The following PLPPR1 variants were observed in gnomAD, a reference collection of about 807,000 sequenced individuals.
The protein encoded by PLPPR1 is phospholipid phosphatase-related protein type 1.
In PLPPR1, 10 loss-of-function variants were observed where a neutral mutation model predicts 33.1. That is an observed-to-expected ratio of 0.30 (90% CI 0.19 to 0.51). PLPPR1 has a LOEUF of 0.51. Among genes scored for constraint, PLPPR1 ranks in the 20% least tolerant of loss-of-function variants. The probability of loss-of-function intolerance (pLI) is 0.97; values close to 1 mark genes in which losing one functional copy is unlikely to be tolerated. For missense variants in PLPPR1, 304 were observed against 408.1 expected (o/e 0.74, Z 2.20); for synonymous variants, 151 against 151.0 (o/e 1.00, Z 0.00).
intron 1 of PLPPR1, among the ~76,000 whole-genome samples, chr9:101,157,887 C>G (rs1436687153): frequency 6.6e-6 from 1 of 152,060 alleles, no homozygotes; most frequent in Non-Finnish European, 1.5e-5. Flanking sequence ...GCCTGTAGTC[C>G]CAGCTACTGG....
intron 1 of PLPPR1, among the ~76,000 whole-genome samples, chr9:101,058,792 C>G (rs951845137): frequency 6.6e-6 from 1 of 151,992 alleles, no homozygotes; most frequent in Non-Finnish European, 1.5e-5. Flanking sequence ...AATTAAGTTC[C>G]AAAGCATTAT....
At chr9:101,149,471 C>G (rs922329581) in intron 1 of PLPPR1, among the ~76,000 whole-genome samples, 5 of 152,190 alleles carry the variant, frequency 3.3e-5, no homozygotes, top group African/African-American at 1.2e-4. Context: ...GATATTCCAT[C>G]TGGGACCTGT....
chr9:101,120,425 T>C (rs1302869063), intron 1 of PLPPR1, among the ~76,000 whole-genome samples: 1 of 152,232 alleles, frequency 6.6e-6, no homozygotes, highest in Admixed American at 6.5e-5. Context: ...CCTTGTATCA[T>C]CTATATTTAT....
Position 101,275,477 on chromosome 9 carries a change from C to G in PLPPR1, c.252+5409C>G, listed in dbSNP as rs1828174247. On this transcript the variant is annotated intron_variant, in intron 3 of 7. Coordinates refer to ENST00000374874, the MANE Select transcript of PLPPR1 (RefSeq NM_207299.2). ...GGCCAAGGCCACTGCTGTCCCAGAT[C>G]TTCAGGAAAGGTTAGAGCATGGGGG... 2.6e-5 allele frequency among the ~76,000 whole-genome samples: 4 copies of G among 152,206 alleles called. No homozygotes were observed. In the South Asian group the frequency reaches 8.3e-4, roughly 32 times the overall value.
rs565299811 is a variant in PLPPR1, at chr9:101,217,299, TAGAAAA to T, written c.63+31747_63+31752del. ...ATGTCATAATTAAAAAGGGAAATCA[TAGAAAA>T]AGAAGACATTTGAACCTATTATAAC... On this transcript the variant is annotated intron_variant, in intron 2 of 7. Transcript: ENST00000374874. Among the ~76,000 whole-genome samples the T allele has an allele frequency of 1.9e-4, 29 of 152,244 alleles. 1 individual carries two copies. In the East Asian group the frequency reaches 4.6e-3, roughly 24 times the overall value.
intron 2 of PLPPR1, among the ~76,000 whole-genome samples, chr9:101,191,806 A>G (rs1465409655): frequency 1.3e-5 from 2 of 152,226 alleles, no homozygotes; most frequent in Non-Finnish European, 2.9e-5. Context: ...TTGTGCTAAT[A>G]GCAACTCTAA....
intron 4 of PLPPR1, among the ~76,000 whole-genome samples, chr9:101,295,790 C>T (rs1443995457): frequency 8.0e-5 from 12 of 149,530 alleles, no homozygotes; most frequent in African/African-American, 1.5e-4. Flanking sequence ...ACACCTTATA[C>T]GAAAATTAAT....
chr9:101,241,578 T>C (rs1259646154), intron 2 of PLPPR1, among the ~76,000 whole-genome samples: 1 of 151,806 alleles, frequency 6.6e-6, no homozygotes, highest in African/African-American at 2.4e-5. Context: ...GGTTAGCCAT[T>C]GACTGGGGAC....
rs542028814 is a variant in PLPPR1 at position 101,239,558 on chromosome 9, C to T, written c.64-30322C>T. Among the ~76,000 whole-genome samples the T allele has an allele frequency of 3.9e-5, 6 of 151,998 alleles. 1 individual carries two copies. In the South Asian group the frequency reaches 1.0e-3, roughly 26 times the overall value. Reference sequence around the variant, plus strand: ...GATTCCTAAAAAACAGTAACAGTTCCTTTTTCATTGCATCCTTGATAGCAG... The same window carrying T: ...GATTCCTAAAAAACAGTAACAGTTCTTTTTTCATTGCATCCTTGATAGCAG... On this transcript the variant is annotated intron_variant, in intron 2 of 7. Coordinates refer to ENST00000374874, the MANE Select transcript of PLPPR1 (RefSeq NM_207299.2).
intron 1 of PLPPR1, among the ~76,000 whole-genome samples, chr9:101,065,331 T>C (rs538402637): frequency 7.2e-5 from 11 of 152,222 alleles, no homozygotes; most frequent in African/African-American, 2.4e-4. Context: ...TGTCATATTA[T>C]GAGAACCCTG....
At chr9:101,311,804 ATAT>A (rs1828961520) in intron 5 of PLPPR1, among the ~76,000 whole-genome samples, 1 of 152,224 alleles carries the variant, frequency 6.6e-6, no homozygotes, top group Non-Finnish European at 1.5e-5. Context: ...AAGTATCAGC[ATAT>A]TATTTTTTAG....
intron 2 of PLPPR1, among the ~76,000 whole-genome samples, chr9:101,246,838 G>A (rs1827619552): frequency 6.6e-6 from 1 of 152,032 alleles, no homozygotes; most frequent in African/African-American, 2.4e-5. Flanking sequence ...GCTATTGTCT[G>A]TGGTGCACAC....
intron 1 of PLPPR1, among the ~76,000 whole-genome samples, chr9:101,107,991 C>T (rs1281743531): frequency 2.0e-5 from 3 of 149,884 alleles, no homozygotes; most frequent in Non-Finnish European, 4.4e-5. Flanking sequence ...GAGGCAATGC[C>T]TCGCCCTGCT....
chr9:101,322,846 C>A (rs1267079870), intron 7 of PLPPR1, among the ~76,000 whole-genome samples: 1 of 152,088 alleles, frequency 6.6e-6, no homozygotes, highest in Non-Finnish European at 1.5e-5. Context: ...TTATATATAA[C>A]CCTCCTCAAA....
intron 2 of PLPPR1, among the ~76,000 whole-genome samples, chr9:101,204,642 G>T (rs773400050): frequency 6.6e-6 from 1 of 152,060 alleles, no homozygotes; most frequent in African/African-American, 2.4e-5. Context: ...CTCCAAACTG[G>T]GTCTTGAGGG....
intron 1 of PLPPR1, among the ~76,000 whole-genome samples, chr9:101,137,009 A>C (rs2118623961): frequency 6.6e-6 from 1 of 152,344 alleles, no homozygotes; most frequent in Non-Finnish European, 1.5e-5. Flanking sequence ...TGTAACTAAA[A>C]AAATGATAAA....
chr9:101,108,161 C>G (rs1048144681), intron 1 of PLPPR1, among the ~76,000 whole-genome samples: 2 of 146,882 alleles, frequency 1.4e-5, no homozygotes, highest in Non-Finnish European at 3.0e-5. Context: ...ATTCGGCCAT[C>G]TTGGCTCCTC....
intron 1 of PLPPR1, among the ~76,000 whole-genome samples, chr9:101,075,025 C>G (rs1324357110): frequency 5.9e-5 from 9 of 152,164 alleles, no homozygotes; most frequent in Non-Finnish European, 1.0e-4. Context: ...TCATGGACAA[C>G]AGTTGCGGGA....
At chr9:101,035,251 C>T (rs1428280833) in intron 1 of PLPPR1, among the ~76,000 whole-genome samples, 1 of 152,140 alleles carries the variant, frequency 6.6e-6, no homozygotes, top group Admixed American at 6.5e-5. Context: ...AAAATAGAAT[C>T]CCAGTGGATG....
Sources: allele counts gnomAD v4.1 joint callset (sites outside exome capture counted in the v4.1 genomes callset), GRCh38; gene constraint gnomAD v4.1.1; transcripts MANE v1.5; gene names NCBI Gene and HGNC (gene_info 2026-07-23, HGNC 2026-07-21).